Variants in LYPD6 observed in about 807,000 individuals in gnomAD.
LYPD6 encodes ly6/PLAUR domain-containing protein 6.
Under a neutral mutation model 22.7 loss-of-function variants are expected in LYPD6, and 15 were observed. The observed-to-expected ratio is 0.66, with a 90% CI of 0.44 to 1.02. The LOEUF (loss-of-function observed/expected upper bound fraction) is 1.02, where lower values mean the gene tolerates loss of function less well. Ranked by LOEUF, LYPD6 falls within the 50% of genes least tolerant of loss-of-function variation. The pLI is 0.00. For synonymous variants in LYPD6, 72 were observed against 77.5 expected (o/e 0.93, Z 0.37); for missense variants, 189 against 208.4 (o/e 0.91, Z 0.57).
chr2:149,377,036 T>C (rs1424563509), intron 1 of LYPD6, among the ~76,000 whole-genome samples: 1 of 152,240 alleles, frequency 6.6e-6, no homozygotes, highest in East Asian at 1.9e-4. Flanking sequence ...GTTATACATA[T>C]ATGAGCCATC....
intron 1 of LYPD6, among the ~76,000 whole-genome samples, chr2:149,414,327 C>T (rs1467963940): frequency 6.6e-6 from 1 of 152,140 alleles, no homozygotes; most frequent in Non-Finnish European, 1.5e-5. Context: ...TTCTTAAATT[C>T]TCACATTCTA....
At chr2:149,432,930 T>A (rs1683349649) in intron 1 of LYPD6, among the ~76,000 whole-genome samples, 1 of 152,230 alleles carries the variant, frequency 6.6e-6, no homozygotes, top group African/African-American at 2.4e-5. Flanking sequence ...AACTCATTCT[T>A]TGAAAAATGT....
chr2:149,383,671 A>C (rs1401405449), intron 1 of LYPD6, among the ~76,000 whole-genome samples: 2 of 152,224 alleles, frequency 1.3e-5, no homozygotes, highest in Non-Finnish European at 2.9e-5. Flanking sequence ...CCAGTTTGGT[A>C]AATTCCAATG....
chr2:149,358,081 C>T (rs141807977), intron 1 of LYPD6, among the ~76,000 whole-genome samples: 90 of 152,184 alleles, frequency 5.9e-4, no homozygotes, highest in African/African-American at 2.0e-3. Context: ...CCACTGCGCC[C>T]GGCTGAAATA....
At chr2:149,432,008 G>A (rs1049651574) in intron 1 of LYPD6, among the ~76,000 whole-genome samples, 4 of 152,194 alleles carry the variant, frequency 2.6e-5, no homozygotes, top group Admixed American at 1.3e-4. Flanking sequence ...ATGAAAAGAT[G>A]TTCAACATCA....
chr2:149,334,990 T>TA (rs1243296839), intron 1 of LYPD6, among the ~76,000 whole-genome samples: 2 of 151,666 alleles, frequency 1.3e-5, no homozygotes, highest in African/African-American at 2.4e-5. Flanking sequence ...TAAACACACT[T>TA]ACTGTGTTAC....
the LYPD6 span, among the ~76,000 whole-genome samples, chr2:149,483,963 C>G: frequency 1.3e-5 from 2 of 152,186 alleles, no homozygotes; most frequent in African/African-American, 4.8e-5. Context: ...GGTCTCAAGT[C>G]ATGGTTCAGC....
chr2:149,456,654 T>C (rs952944851), intron 3 of LYPD6, among the ~76,000 whole-genome samples: 2 of 152,192 alleles, frequency 1.3e-5, no homozygotes, highest in African/African-American at 4.8e-5. Flanking sequence ...TGAGGGAAGC[T>C]GTTGTGAAGA....
At chr2:149,407,461 T>A (rs2105117624) in intron 1 of LYPD6, among the ~76,000 whole-genome samples, 1 of 152,320 alleles carries the variant, frequency 6.6e-6, no homozygotes, top group East Asian at 1.9e-4. Context: ...TAAACTTCCC[T>A]TCTCGCTTCA....
chr2:149,436,894 A>T (rs904769043), intron 1 of LYPD6, among the ~76,000 whole-genome samples: 4 of 152,100 alleles, frequency 2.6e-5, no homozygotes, highest in African/African-American at 9.7e-5. Context: ...CCGTTTTTTA[A>T]ATACACCTTA....
chr2:149,378,736 A>G (rs1431771802), intron 1 of LYPD6, among the ~76,000 whole-genome samples: 3 of 152,064 alleles, frequency 2.0e-5, no homozygotes, highest in Non-Finnish European at 4.4e-5. Context: ...AGCTCACCCT[A>G]CAATTGCCAC....
intron 1 of LYPD6, among the ~76,000 whole-genome samples, chr2:149,355,780 G>A (rs1214914925): frequency 6.6e-6 from 1 of 152,114 alleles, no homozygotes; most frequent in Non-Finnish European, 1.5e-5. Flanking sequence ...TATCAAGTAT[G>A]TAGAATCTTG....
chr2:149,467,013 C>T (rs1681216292), intron 3 of LYPD6, among the ~76,000 whole-genome samples: 1 of 152,192 alleles, frequency 6.6e-6, no homozygotes, highest in African/African-American at 2.4e-5. Flanking sequence ...GTAAATCTCC[C>T]AGGCCACTGG....
intron 1 of LYPD6, among the ~76,000 whole-genome samples, chr2:149,342,735 A>G (rs761513014): frequency 2.5e-4 from 38 of 152,170 alleles, no homozygotes; most frequent in Non-Finnish European, 5.0e-4. Flanking sequence ...GTTCATTCCC[A>G]TAGATTAGAA....
At chr2:149,338,357 T>G (rs947725596) in intron 1 of LYPD6, among the ~76,000 whole-genome samples, 5 of 152,202 alleles carry the variant, frequency 3.3e-5, no homozygotes, top group Non-Finnish European at 7.3e-5. Context: ...TAGAATCTTT[T>G]AAAGAGTGGT....
At chr2:149,363,288 A>T (rs575487833) in intron 1 of LYPD6, among the ~76,000 whole-genome samples, 8 of 152,322 alleles carry the variant, frequency 5.3e-5, no homozygotes, top group African/African-American at 1.9e-4. Flanking sequence ...GCTGTGTGCC[A>T]GTCACTGTGG....
chr2:149,384,339 G>A (rs915525164), intron 1 of LYPD6, among the ~76,000 whole-genome samples: 3 of 152,198 alleles, frequency 2.0e-5, no homozygotes, highest in Admixed American at 6.5e-5. Context: ...GCATTTGTCA[G>A]TGCCTGTAGA....
At chr2:149,427,991 A>G (rs1683222408) in intron 1 of LYPD6, among the ~76,000 whole-genome samples, 1 of 152,242 alleles carries the variant, frequency 6.6e-6, no homozygotes, top group African/African-American at 2.4e-5. Flanking sequence ...AAGAGAAATG[A>G]ACTTTTTTAA....
chr2:149,446,319 T>C (rs1683686235), intron 2 of LYPD6, among the ~76,000 whole-genome samples: 1 of 152,148 alleles, frequency 6.6e-6, no homozygotes, highest in Non-Finnish European at 1.5e-5. Flanking sequence ...AGTGAGCACG[T>C]GCAATTGGAA....
Sources: allele counts gnomAD v4.1 joint callset (sites outside exome capture counted in the v4.1 genomes callset), GRCh38; gene constraint gnomAD v4.1.1; transcripts MANE v1.5; gene names NCBI Gene and HGNC (gene_info 2026-07-23, HGNC 2026-07-21).